The following IPO11 variants were observed in gnomAD, a reference collection of about 807,000 sequenced individuals.
The protein encoded by IPO11 is importin-11.
A neutral mutation model predicts 143.2 loss-of-function variants in IPO11; 66 were observed. That is an observed-to-expected ratio of 0.46 (90% CI 0.38 to 0.57). The LOEUF is 0.57. Ranked by LOEUF, IPO11 falls within the 20% of genes least tolerant of loss-of-function variation. The probability of loss-of-function intolerance (pLI) is 0.00; values close to 1 mark genes in which losing one functional copy is unlikely to be tolerated. For missense variants in IPO11, 1,026 were observed against 1,141.0 expected (o/e 0.90, Z 1.45); for synonymous variants, 385 against 377.8 (o/e 1.02, Z -0.22).
In IPO11 at chr5:62,424,391, G is replaced by T. The variant is rs991156245; in HGVS notation, c.-7+11462G>T. 6.9e-4 allele frequency among the ~76,000 whole-genome samples: 105 copies of T among 151,740 alleles called. 1 individual carries two copies. The highest frequency in any genetic ancestry group is 1.4e-3 in the Admixed American group (22 of 15,194). On this transcript the variant is annotated intron_variant, in intron 1 of 29. Transcript: ENST00000325324. ...TGTGACCTCGTGATCCGCCCGCCGG[G>T]GCCTCCCAAAGTGCTGGGATTACGG...
chr5:62,491,860 C>T (rs767864978), intron 15 of IPO11, among the ~76,000 whole-genome samples: 4 of 151,664 alleles, frequency 2.6e-5, no homozygotes, highest in African/African-American at 4.8e-5. Context: ...TTAGTAGAGA[C>T]GAGGTTTCAC....
At chr5:62,447,994 C>A (rs957299002) in intron 3 of IPO11, among the ~76,000 whole-genome samples, 1 of 152,142 alleles carries the variant, frequency 6.6e-6, no homozygotes, top group African/African-American at 2.4e-5. Flanking sequence ...GGATTACAGG[C>A]GTGAGCTACT....
chr5:62,501,140 C>A (rs1282375816), intron 16 of IPO11, among the ~76,000 whole-genome samples: 1 of 152,114 alleles, frequency 6.6e-6, no homozygotes, highest in Non-Finnish European at 1.5e-5. Context: ...ATTACAGGTG[C>A]TTTGAAACTC....
intron 3 of IPO11, 147 bp downstream of exon 3, chr5:62,443,230 C>T (rs1744563280): frequency 6.2e-6 from 3 of 485,066 alleles, no homozygotes; most frequent in Admixed American, 8.0e-5. Context: ...AGACGATTAG[C>T]ATGGTCTCTG....
chr5:62,419,646 GTTT>G (rs1173654488), intron 1 of IPO11, among the ~76,000 whole-genome samples: 1 of 151,862 alleles, frequency 6.6e-6, no homozygotes. Context: ...GTCTGAGGCT[GTTT>G]TACAGTTAAC....
intron 5 of IPO11, among the ~76,000 whole-genome samples, chr5:62,454,284 C>T (rs952280473): frequency 2.0e-5 from 3 of 152,216 alleles, no homozygotes; most frequent in African/African-American, 7.2e-5. Flanking sequence ...ATGGACCGTT[C>T]ACTCACTCAA....
At chr5:62,534,699 A>T (rs952940886) in intron 22 of IPO11, among the ~76,000 whole-genome samples, 3 of 152,106 alleles carry the variant, frequency 2.0e-5, no homozygotes, top group African/African-American at 7.2e-5. Flanking sequence ...GTTGTGAGGG[A>T]CTTTCCTTTG....
At chr5:62,526,290 T>C (rs1742367028) in intron 21 of IPO11, 33 bp downstream of exon 21, 3 of 1,436,298 alleles carry the variant, frequency 2.1e-6, no homozygotes, top group Non-Finnish European at 2.9e-6. Context: ...ATGGATCTTA[T>C]TTTATTCGTG....
At chr5:62,589,988 G>A (rs1744952520) in intron 27 of IPO11, among the ~76,000 whole-genome samples, 1 of 152,202 alleles carries the variant, frequency 6.6e-6, no homozygotes, top group Non-Finnish European at 1.5e-5. Flanking sequence ...TCTCAGCACA[G>A]TAAGGTCGAA....
chr5:62,505,702 G>T (rs1741531925), intron 18 of IPO11, among the ~76,000 whole-genome samples: 1 of 151,940 alleles, frequency 6.6e-6, no homozygotes, highest in Non-Finnish European at 1.5e-5. Context: ...TAGGGTATTT[G>T]TTTTTGATTT....
At chr5:62,508,578 C>T (rs2112268838) in intron 19 of IPO11, among the ~76,000 whole-genome samples, 1 of 151,744 alleles carries the variant, frequency 6.6e-6, no homozygotes, top group East Asian at 1.9e-4. Context: ...CTTTCTTCCT[C>T]CCTTCCTCCT....
chr5:62,600,873 T>C (rs1311307653), intron 28 of IPO11, among the ~76,000 whole-genome samples: 3 of 152,304 alleles, frequency 2.0e-5, no homozygotes, highest in East Asian at 3.9e-4. Context: ...TGGTAGGAAA[T>C]AGAAACGAAA....
chr5:62,493,759 G>A (rs1252217612), intron 15 of IPO11, among the ~76,000 whole-genome samples: 1 of 151,984 alleles, frequency 6.6e-6, no homozygotes, highest in Non-Finnish European at 1.5e-5. Flanking sequence ...AGTAGAGATG[G>A]GGTTTCACCA....
rs188507439 is a variant in IPO11, at chr5:62,429,097, A to G, written c.-6-8177A>G. The stretch of plus-strand genomic sequence containing the variant: ...ATTCAGTAGTTTTTAGTATATTCAC[A>G]GAGTTGTGCAACCATCATTACAGTC... On this transcript the variant is annotated intron_variant, in intron 1 of 29. Transcript: ENST00000325324. Among the ~76,000 whole-genome samples the G allele has an allele frequency of 3.9e-4, 60 of 152,356 alleles. 1 individual carries two copies. Among genetic ancestry groups the G allele is most frequent in the Non-Finnish European group, 6.0e-4 (41 of 68,042 alleles).
chr5:62,479,155 C>T (rs751226032), intron 9 of IPO11, among the ~76,000 whole-genome samples: 10 of 152,262 alleles, frequency 6.6e-5, no homozygotes, highest in Non-Finnish European at 1.5e-4. Context: ...TCTCATTGTT[C>T]GATTCCCACC....
intron 15 of IPO11, among the ~76,000 whole-genome samples, chr5:62,492,102 T>G (rs1746635820): frequency 6.6e-6 from 1 of 152,214 alleles, no homozygotes; most frequent in Non-Finnish European, 1.5e-5. Flanking sequence ...AGGTTTTGAC[T>G]TAGTAGGTCT....
intron 16 of IPO11, 99 bp from the exon 17 acceptor site, chr5:62,504,566 TAA>T (rs1741479110): frequency 1.5e-6 from 1 of 666,108 alleles, no homozygotes; most frequent in Non-Finnish European, 2.6e-6. Context: ...CTAATAATAA[TAA>T]GAGTACAGAA....
chr5:62,498,276 A>G (rs972412269), intron 16 of IPO11, among the ~76,000 whole-genome samples: 10 of 152,254 alleles, frequency 6.6e-5, no homozygotes, highest in African/African-American at 1.9e-4. Flanking sequence ...TCCTTGTGCC[A>G]TAATTTGAGA....
intron 7 of IPO11, 68 bp downstream of exon 7, chr5:62,470,376 C>G (rs937466749): frequency 7.7e-5 from 104 of 1,344,576 alleles, no homozygotes; most frequent in Non-Finnish European, 1.1e-4. Flanking sequence ...TGAAAGAGTG[C>G]TCTTTTTATT....
Sources: allele counts gnomAD v4.1 joint callset (sites outside exome capture counted in the v4.1 genomes callset), GRCh38; gene constraint gnomAD v4.1.1; transcripts MANE v1.5; gene names NCBI Gene and HGNC (gene_info 2026-07-23, HGNC 2026-07-21).